SLC24A3: variants seen among roughly 807,000 people sequenced by gnomAD.
SLC24A3 encodes solute carrier family 24 member 3, also known as sodium/potassium/calcium exchanger 3.
Under a neutral mutation model 75.8 loss-of-function variants are expected in SLC24A3, and 28 were observed. That is an observed-to-expected ratio of 0.37 (90% CI 0.27 to 0.51). The LOEUF (loss-of-function observed/expected upper bound fraction) is 0.51, where lower values mean the gene tolerates loss of function less well. Among genes scored for constraint, SLC24A3 ranks in the 20% least tolerant of loss-of-function variants. The pLI, the probability that SLC24A3 is intolerant of heterozygous loss-of-function variation, is 0.94. For synonymous variants in SLC24A3, 372 were observed against 334.1 expected (o/e 1.11, Z -1.24); for missense variants, 663 against 847.8 (o/e 0.78, Z 2.71).
chr20:19,392,238 C>G (rs1986379368), intron 2 of SLC24A3, among the ~76,000 whole-genome samples: 1 of 152,024 alleles, frequency 6.6e-6, no homozygotes, highest in South Asian at 2.1e-4. Context: ...TCTGAAGGTC[C>G]CTTGTATTGG....
intron 2 of SLC24A3, among the ~76,000 whole-genome samples, chr20:19,481,187 T>C (rs1988046732): frequency 6.6e-6 from 1 of 151,632 alleles, no homozygotes; most frequent in Admixed American, 6.6e-5. Flanking sequence ...TAGGCAACAC[T>C]CTCAAGAGAA....
intron 2 of SLC24A3, among the ~76,000 whole-genome samples, chr20:19,492,492 A>T (rs1423704371): frequency 1.3e-5 from 2 of 152,210 alleles, no homozygotes; most frequent in African/African-American, 4.8e-5. Flanking sequence ...GGGAGTTCTT[A>T]CAGTCATTCA....
chr20:19,371,246 G>A (rs768528263), intron 2 of SLC24A3, among the ~76,000 whole-genome samples: 1 of 152,162 alleles, frequency 6.6e-6, no homozygotes, highest in African/African-American at 2.4e-5. Flanking sequence ...GGTAGGGGAG[G>A]ATGCTAATTC....
At chr20:19,613,503 G>T (rs1304222596) in intron 6 of SLC24A3, among the ~76,000 whole-genome samples, 1 of 152,180 alleles carries the variant, frequency 6.6e-6, no homozygotes, top group Admixed American at 6.5e-5. Flanking sequence ...CCTGGAATGT[G>T]TGGCAGTTGG....
intron 2 of SLC24A3, among the ~76,000 whole-genome samples, chr20:19,481,199 G>A (rs1370070809): frequency 6.8e-6 from 1 of 147,432 alleles, no homozygotes; most frequent in East Asian, 2.1e-4. Flanking sequence ...TCAAGAGAAG[G>A]TGCTACATTG....
chr20:19,307,918 G>A (rs6035288), intron 2 of SLC24A3, among the ~76,000 whole-genome samples: 23,603 of 152,132 alleles, frequency 0.16, 4,487 homozygotes, highest in African/African-American at 0.43. Context: ...ACATCGGTTT[G>A]CTTAAGCTAA....
intron 1 of SLC24A3, among the ~76,000 whole-genome samples, chr20:19,252,865 G>C (rs1333561036): frequency 6.6e-6 from 1 of 152,196 alleles, no homozygotes; most frequent in African/African-American, 2.4e-5. Context: ...TGTGTCACTA[G>C]CTCTGTGCTA....
At chr20:19,253,125 G>A (rs1461581503) in intron 1 of SLC24A3, among the ~76,000 whole-genome samples, 1 of 152,130 alleles carries the variant, frequency 6.6e-6, no homozygotes, top group Non-Finnish European at 1.5e-5. Context: ...ATCCAGCTTT[G>A]GGCCGGTGGT....
intron 3 of SLC24A3, among the ~76,000 whole-genome samples, chr20:19,578,292 G>A (rs2031169888): frequency 6.6e-6 from 1 of 151,994 alleles, no homozygotes; most frequent in Admixed American, 6.6e-5. Context: ...ATACATGCTT[G>A]CGTGTGTGTG....
chr20:19,416,304 C>T (rs1238963384), intron 2 of SLC24A3, among the ~76,000 whole-genome samples: 3 of 152,194 alleles, frequency 2.0e-5, no homozygotes, highest in Admixed American at 1.3e-4. Context: ...GCCCAGATTC[C>T]GATTCAGGAA....
intron 6 of SLC24A3, among the ~76,000 whole-genome samples, chr20:19,638,930 G>T (rs1348572919): frequency 6.6e-6 from 1 of 152,158 alleles, no homozygotes; most frequent in African/African-American, 2.4e-5. Flanking sequence ...AAAGCAGTGT[G>T]GACCCAAAGA....
intron 2 of SLC24A3, among the ~76,000 whole-genome samples, chr20:19,366,822 G>A (rs892970008): frequency 1.3e-5 from 2 of 152,182 alleles, no homozygotes; most frequent in African/African-American, 4.8e-5. Flanking sequence ...AGTAAAAGAA[G>A]GATAAGGGTC....
intron 2 of SLC24A3, among the ~76,000 whole-genome samples, chr20:19,418,539 A>G (rs573774421): frequency 6.6e-6 from 1 of 152,198 alleles, no homozygotes; most frequent in South Asian, 2.1e-4. Flanking sequence ...GCAAAACAAA[A>G]CAAAAAACAG....
At chr20:19,588,040 A>T (rs1460678329) in intron 6 of SLC24A3, among the ~76,000 whole-genome samples, 1 of 152,210 alleles carries the variant, frequency 6.6e-6, no homozygotes, top group Non-Finnish European at 1.5e-5. Flanking sequence ...AAGGAAAGGG[A>T]TAGTCAGGGA....
intron 2 of SLC24A3, among the ~76,000 whole-genome samples, chr20:19,434,520 T>C (rs1427071222): frequency 6.6e-6 from 1 of 152,226 alleles, no homozygotes; most frequent in Non-Finnish European, 1.5e-5. Context: ...ACTGTTAGCA[T>C]TGGTGCATTG....
intron 2 of SLC24A3, among the ~76,000 whole-genome samples, chr20:19,357,943 C>A (rs1171956824): frequency 6.6e-6 from 1 of 152,184 alleles, no homozygotes; most frequent in African/African-American, 2.4e-5. Context: ...TTGTAGATAT[C>A]GACTTCTCTG....
intron 1 of SLC24A3, among the ~76,000 whole-genome samples, chr20:19,241,650 T>C (rs969718670): frequency 6.6e-6 from 1 of 152,210 alleles, no homozygotes. Flanking sequence ...ATAAGAATGA[T>C]TTATAACTAG....
chr20:19,215,881 T>A (rs186925020), intron 1 of SLC24A3, among the ~76,000 whole-genome samples: 1 of 152,338 alleles, frequency 6.6e-6, no homozygotes. Context: ...ACATTGATTC[T>A]TTTCTGCTGA....
chr20:19,238,966 GCA>G lies in SLC24A3; in HGVS notation c.142+26004_142+26005del, dbSNP rs60649887. Among the ~76,000 whole-genome samples the G allele has an allele frequency of 2.4e-3, 359 of 148,890 alleles. 1 individual carries two copies. The highest frequency in any genetic ancestry group is 7.8e-3 in the African/African-American group (316 of 40,458). On this transcript the variant is annotated intron_variant, in intron 1 of 16. Coordinates refer to ENST00000328041, the MANE Select transcript of SLC24A3 (RefSeq NM_020689.4). ...TCACCCAGCACACACATGGGCGCAT[GCA>G]CACACACACACACACACACACCTGC...
Sources: gnomAD v4.1 joint callset for allele counts (sites outside exome capture counted in the v4.1 genomes callset) on GRCh38, gnomAD v4.1.1 for gene constraint, MANE v1.5 for transcripts, NCBI Gene and HGNC (gene_info 2026-07-23, HGNC 2026-07-21) for gene names.